The following GTSE1 variants were observed in gnomAD, a reference collection of about 807,000 sequenced individuals.
GTSE1 encodes G2 and S-phase expressed 1.
GTSE1 carries 52 observed loss-of-function variants against 60.5 expected under a neutral mutation model. The observed-to-expected ratio is 0.86, with a 90% CI of 0.69 to 1.08. The LOEUF is 1.08. Among genes scored for constraint, GTSE1 ranks in the 50% least tolerant of loss-of-function variants. The pLI is 0.00. For missense variants in GTSE1, 937 were observed against 961.8 expected, an observed-to-expected ratio of 0.97 and a Z score of 0.34; for synonymous variants, 368 against 386.5, an observed-to-expected ratio of 0.95 and a Z score of 0.56.
intron 2 of GTSE1, among the ~76,000 whole-genome samples, chr22:46,301,952 A>G (rs1469990483): frequency 6.6e-6 from 1 of 151,948 alleles, no homozygotes; most frequent in Non-Finnish European, 1.5e-5. Context: ...AACATGCAGA[A>G]ACCCCGTCTC....
intron 4 of GTSE1, among the ~76,000 whole-genome samples, chr22:46,311,347 G>T (rs1295046878): frequency 1.3e-5 from 2 of 152,182 alleles, no homozygotes; most frequent in African/African-American, 4.8e-5. Context: ...CAAAGTGCTG[G>T]GATTACAGGC....
In GTSE1 at chr22:46,309,541, C is replaced by T. The variant is rs1284661107; in HGVS notation, c.762+598C>T. On this transcript the variant is annotated intron_variant, in intron 4 of 11. Transcript: ENST00000454366. This position sits in a 1 kb window ranked among gnomAD's most constrained non-coding sequence, Gnocchi z 6.2. ...GGAGCCCCGGGGCCCACCCTGCAGC[C>T]CGTTCCCAGCTCTGCCCCCTCCCCT... Among the ~76,000 whole-genome samples, 1 of 152,118 alleles carries T rather than the reference C, an allele frequency of 6.6e-6. No individual in the cohort carries two copies. The highest frequency in any genetic ancestry group is 2.4e-5 in the African/African-American group (1 of 41,424).
intron 9 of GTSE1, among the ~76,000 whole-genome samples, chr22:46,327,770 A>G (rs538539758): frequency 6.6e-6 from 1 of 152,276 alleles, no homozygotes; most frequent in Non-Finnish European, 1.5e-5. Flanking sequence ...GTGTATGTAC[A>G]TCTACCAACA....
Position 46,313,740 on chromosome 22 carries a change from C to T in GTSE1, c.928-150C>T. 1.4e-6 allele frequency: 1 copy of T among 712,546 alleles called. No individual in the cohort carries two copies. The highest frequency in any genetic ancestry group is 3.1e-5 in the East Asian group (1 of 32,334). The allele number at this position is 712,546 out of a possible 1,614,324, so 44.1% of individuals were successfully genotyped here. ...GCCAGGCTGGTCTCAAACTCCTGAC[C>T]TTGTGATCCTCCGGCCTCAGCCTCC... On this transcript the variant is annotated intron_variant, in intron 5 of 11. Transcript: ENST00000454366. This position sits in a 1 kb window ranked among gnomAD's most constrained non-coding sequence, Gnocchi z 4.4.
rs1194724272 is a variant in GTSE1 at position 46,308,328 on chromosome 22, AGAT to A, written c.153_155del (p.Asp51del). 3.7e-6 allele frequency: 6 copies of A among 1,612,610 alleles called. No homozygotes were observed. Among genetic ancestry groups the A allele is most frequent in the Non-Finnish European group, 5.1e-6 (6 of 1,178,820 alleles). ...TTTTTTAAACAAATAGTGCAAATGA[AGAT>A]GATGAAGTCTTCTTCGGACCCTTTG... On this transcript the variant is annotated inframe_deletion, in exon 4 of 12. Coordinates refer to ENST00000454366, the MANE Select transcript of GTSE1 (RefSeq NM_016426.7).
chr22:46,328,665 A>T, intron 9 of GTSE1, 23 bp from the exon 10 acceptor site: 1 of 1,577,244 alleles, frequency 6.3e-7, no homozygotes, highest in East Asian at 2.2e-5. Context: ...ACATTTTCTC[A>T]TAAGTTTTTT....
intron 2 of GTSE1, among the ~76,000 whole-genome samples, chr22:46,307,947 A>G (rs748399978): frequency 1.1e-4 from 16 of 152,250 alleles, no homozygotes; most frequent in Non-Finnish European, 2.1e-4. Context: ...CTTCGTCACT[A>G]GAAAAAATTT....
At chr22:46,298,123 T>G (rs1200611248) in intron 2 of GTSE1, among the ~76,000 whole-genome samples, 2 of 151,520 alleles carry the variant, frequency 1.3e-5, no homozygotes, top group Non-Finnish European at 2.9e-5. Flanking sequence ...CTGCCACACC[T>G]GGCTCATTTT....
intron 7 of GTSE1, among the ~76,000 whole-genome samples, chr22:46,322,833 C>T (rs1362038083): frequency 1.3e-5 from 2 of 152,216 alleles, no homozygotes; most frequent in Admixed American, 1.3e-4. Flanking sequence ...GTGTCTAGCG[C>T]ATGCAGGTGC....
At position 46,313,927 on chromosome 22, in the gene GTSE1, C is replaced by G. The variant is rs770321142; in HGVS notation, c.965C>G (p.Ser322Cys). The part of the protein sequence containing the change: ...LKKTLLKAPG[S>C]TSNLARKSSS... ...AAGACCCTGTTAAAAGCACCCGGCT[C>G]TACCAGCAATCTCGCAAGGAAGTCC... The change falls in exon 6 of 12, where the codon TCT becomes TGT. Residue 322 changes from serine to cysteine, a missense_variant. Coordinates refer to ENST00000454366, the MANE Select transcript of GTSE1 (RefSeq NM_016426.7). This position sits in a 1 kb window ranked among gnomAD's most constrained non-coding sequence, Gnocchi z 4.4. 1.2e-6 allele frequency: 2 copies of G among 1,614,204 alleles called. No individual in the cohort carries two copies. The highest frequency in any genetic ancestry group is 2.2e-5 in the South Asian group (2 of 91,088).
intron 8 of GTSE1, among the ~76,000 whole-genome samples, chr22:46,325,915 G>A (rs2077841060): frequency 6.6e-6 from 1 of 152,268 alleles, no homozygotes; most frequent in South Asian, 2.1e-4. Context: ...TGAGGGGTGT[G>A]AGGACCAAGT....
intron 2 of GTSE1, among the ~76,000 whole-genome samples, chr22:46,305,470 G>A (rs552835958): frequency 1.3e-5 from 2 of 152,056 alleles, no homozygotes; most frequent in East Asian, 1.9e-4. Context: ...TTAGCTGGGC[G>A]TGGTAGCACG....
rs1344252492 is a variant in GTSE1, at chr22:46,330,493, A to C, written c.*363A>C. ...GTGAGAACCTGTCTTGGAAAAAAAA[A>C]AAAAGAAACATGTTTTAGTAGAAGT... On this transcript the variant is annotated 3_prime_UTR_variant, in exon 12 of 12. Coordinates refer to ENST00000454366, the MANE Select transcript of GTSE1 (RefSeq NM_016426.7). This position sits in a 1 kb window ranked among gnomAD's most constrained non-coding sequence, Gnocchi z 6.0. The C allele has an allele frequency of 1.1e-5, 2 of 176,722 alleles. No individual in the cohort carries two copies. Among genetic ancestry groups the C allele is most frequent in the Non-Finnish European group, 2.4e-5 (2 of 83,566 alleles). The allele number at this position is 176,722 out of a possible 1,614,324, so 10.9% of individuals were successfully genotyped here.
chr22:46,302,160 T>G, intron 2 of GTSE1, among the ~76,000 whole-genome samples: 1 of 152,086 alleles, frequency 6.6e-6, no homozygotes, highest in Non-Finnish European at 1.5e-5. Flanking sequence ...AAAAAGAATG[T>G]TTTGTTTTAT....
chr22:46,300,944 CAT>C, intron 2 of GTSE1, among the ~76,000 whole-genome samples: 1 of 152,332 alleles, frequency 6.6e-6, no homozygotes, highest in East Asian at 1.9e-4. Context: ...TCCTTCCAGA[CAT>C]AATTTGTGCA....
chr22:46,300,912 G>A (rs1054582024), intron 2 of GTSE1, among the ~76,000 whole-genome samples: 2 of 152,300 alleles, frequency 1.3e-5, no homozygotes, highest in African/African-American at 4.8e-5. Flanking sequence ...AAGGGCCATC[G>A]ATGTCATCAG....
chr22:46,322,742 G>C (rs1473363462), intron 7 of GTSE1, among the ~76,000 whole-genome samples: 1 of 152,210 alleles, frequency 6.6e-6, no homozygotes, highest in Non-Finnish European at 1.5e-5. Context: ...GTAAAGTCAT[G>C]GTTCGGGAAA....
chr22:46,325,903 C>T (rs1453374894), intron 8 of GTSE1, among the ~76,000 whole-genome samples: 2 of 152,230 alleles, frequency 1.3e-5, no homozygotes, highest in Non-Finnish European at 1.5e-5. Flanking sequence ...TTGCCAGGGA[C>T]GTGAGGGGTG....
rs548351008 is a variant in GTSE1 at position 46,319,197 on chromosome 22, A to T, written c.1432+2785A>T. Among the ~76,000 whole-genome samples, 3 of 152,356 alleles carry T rather than the reference A, an allele frequency of 2.0e-5. No homozygotes were observed. The South Asian group carries it at 6.2e-4, about 32-fold the overall frequency. On this transcript the variant is annotated intron_variant, in intron 7 of 11. Transcript: ENST00000454366. This position sits in a 1 kb window ranked among gnomAD's most constrained non-coding sequence, Gnocchi z 5.0. ...GAGGGGCAGCCCGAGGCCGGCTCCC[A>T]GAGCGCCGCGTGACCAGAGCGGACC...
Sources: allele counts gnomAD v4.1 joint callset (sites outside exome capture counted in the v4.1 genomes callset), GRCh38; gene constraint gnomAD v4.1.1; non-coding constraint Gnocchi (gnomAD v3.1); transcripts MANE v1.5; gene names NCBI Gene and HGNC (gene_info 2026-07-23, HGNC 2026-07-21).